NAV2: variants seen among roughly 807,000 people sequenced by gnomAD.
NAV2 encodes the protein helicase, APC down-regulated 1.
Under a neutral mutation model 223.2 loss-of-function variants are expected in NAV2, and 54 were observed. The observed-to-expected ratio is 0.24, with a 90% CI of 0.19 to 0.30. The LOEUF (loss-of-function observed/expected upper bound fraction) is 0.30. Among genes scored for constraint, NAV2 ranks in the 10% least tolerant of loss-of-function variants. The pLI is 1.00. For missense variants in NAV2, 2,806 were observed against 3,147.5 expected, an observed-to-expected ratio of 0.89 and a Z score of 2.60; for synonymous variants, 1,279 against 1,239.3, an observed-to-expected ratio of 1.03 and a Z score of -0.67.
At chr11:19,527,600 A>G (rs1261452926) in intron 1 of NAV2, among the ~76,000 whole-genome samples, 1 of 151,750 alleles carries the variant, frequency 6.6e-6, no homozygotes, top group African/African-American at 2.4e-5. Context: ...TAGCCTGGAC[A>G]TGGTAGCACC....
chr11:19,587,497 T>G (rs1430671531), intron 1 of NAV2, among the ~76,000 whole-genome samples: 1 of 152,212 alleles, frequency 6.6e-6, no homozygotes, highest in Non-Finnish European at 1.5e-5. Flanking sequence ...CTGGAGCTGT[T>G]CCTATTCAGC....
chr11:19,969,206 A>C (rs2049019575), intron 10 of NAV2, among the ~76,000 whole-genome samples: 1 of 152,210 alleles, frequency 6.6e-6, no homozygotes, highest in Non-Finnish European at 1.5e-5. Flanking sequence ...AATCAAATAC[A>C]ATGGGAAATT....
chr11:19,923,161 C>A (rs1487574096), intron 6 of NAV2, among the ~76,000 whole-genome samples: 2 of 152,096 alleles, frequency 1.3e-5, no homozygotes, highest in Non-Finnish European at 2.9e-5. Flanking sequence ...TCGTAAGTGG[C>A]CAGTGGACAT....
At chr11:19,919,192 A>G (rs2044062608) in intron 6 of NAV2, among the ~76,000 whole-genome samples, 1 of 151,976 alleles carries the variant, frequency 6.6e-6, no homozygotes, top group South Asian at 2.1e-4. Flanking sequence ...CAAGATGACA[A>G]AGATTCTCTG....
At position 20,027,318 on chromosome 11, in the gene NAV2, G is replaced by A. The variant is rs770362712; in HGVS notation, c.2769-8641G>A. 8.2e-5 allele frequency: 81 copies of A among 985,282 alleles called. No individual in the cohort carries two copies. In the South Asian group the frequency reaches 9.4e-4, roughly 11 times the overall value. 61.0% of individuals were successfully genotyped at this position (985,282 alleles called of 1,614,324 possible). A position where few individuals can be genotyped will look rare whatever the true frequency, so the allele number is the denominator to read the frequency against. On this transcript the variant is annotated intron_variant, in intron 11 of 37. Coordinates refer to ENST00000349880, the MANE Select transcript of NAV2 (RefSeq NM_145117.5). Reference sequence around the variant, plus strand: ...TTCCGCTCGGGCCCCGGGGTTTCACGGGAACAATTGCCTTGAACAATAGCC... The same window carrying A: ...TTCCGCTCGGGCCCCGGGGTTTCACAGGAACAATTGCCTTGAACAATAGCC...
At position 19,949,811 on chromosome 11, in the gene NAV2, A is replaced by C. The variant is rs1301370139; in HGVS notation, c.2645+731A>C. On this transcript the variant is annotated intron_variant, in intron 10 of 37. Coordinates refer to ENST00000349880, the MANE Select transcript of NAV2 (RefSeq NM_145117.5). ...ACTTGTCTTGCGCGTTCACTGCAGA[A>C]TCCCCAGTGTGTTGTGTATAATAGG... 2.0e-5 allele frequency among the ~76,000 whole-genome samples: 3 copies of C among 152,356 alleles called. No individual in the cohort carries two copies. In the South Asian group the frequency reaches 6.2e-4, roughly 32 times the overall value.
intron 1 of NAV2, among the ~76,000 whole-genome samples, chr11:19,733,369 G>GA (rs1452335614): frequency 1.6e-4 from 24 of 152,224 alleles, no homozygotes; most frequent in African/African-American, 4.6e-4. Context: ...GCTGGTAAAT[G>GA]ATAGCTCCAG....
At chr11:19,503,761 T>G (rs112724954) in intron 1 of NAV2, 1 of 152,188 alleles carries the variant, frequency 6.6e-6, no homozygotes, top group African/African-American at 2.4e-5. Flanking sequence ...TAAATATCCA[T>G]GTACAGGTTT....
chr11:19,538,909 C>A (rs1025716526), intron 1 of NAV2, among the ~76,000 whole-genome samples: 8 of 132,636 alleles, frequency 6.0e-5, no homozygotes, highest in East Asian at 2.0e-4. Context: ...ATATATATAT[C>A]TTTCCACTAT....
chr11:19,521,018 A>G (rs1364118953), intron 1 of NAV2, among the ~76,000 whole-genome samples: 1 of 152,212 alleles, frequency 6.6e-6, no homozygotes, highest in Non-Finnish European at 1.5e-5. Context: ...AAGAAGGCCC[A>G]TGCGCCTGCC....
chr11:19,774,486 C>T (rs1342706911), intron 1 of NAV2, among the ~76,000 whole-genome samples: 1 of 152,222 alleles, frequency 6.6e-6, no homozygotes, highest in Non-Finnish European at 1.5e-5. Flanking sequence ...CAGCTTTTTT[C>T]TTTATGACCC....
chr11:19,919,424 G>T (rs185613156), intron 6 of NAV2, among the ~76,000 whole-genome samples: 8 of 152,238 alleles, frequency 5.3e-5, no homozygotes, highest in Admixed American at 1.3e-4. Flanking sequence ...CAGACAGTGA[G>T]AACTGTGTGT....
chr11:19,883,273 G>A (rs1242499490), intron 5 of NAV2, among the ~76,000 whole-genome samples: 3 of 152,184 alleles, frequency 2.0e-5, no homozygotes, highest in Admixed American at 1.3e-4. Flanking sequence ...GAAAATCTGA[G>A]ATTTTTTTTT....
Position 19,818,111 on chromosome 11 carries a change from G to A in NAV2, c.268-14373G>A, listed in dbSNP as rs191067534. The stretch of plus-strand genomic sequence containing the variant: ...GCACAGTCTACTGCCCCCTAAATTT[G>A]CATACTCTTACCCATCATTCTACAA... On this transcript the variant is annotated intron_variant, in intron 1 of 37. Coordinates refer to ENST00000349880, the MANE Select transcript of NAV2 (RefSeq NM_145117.5). Among the ~76,000 whole-genome samples, 493 of 151,704 alleles carry A rather than the reference G, an allele frequency of 3.2e-3. 2 individuals carry two copies. The highest frequency in any genetic ancestry group is 0.011 in the African/African-American group (474 of 41,342).
intron 1 of NAV2, among the ~76,000 whole-genome samples, chr11:19,770,023 CA>C (rs1270501695): frequency 6.6e-6 from 1 of 151,930 alleles, no homozygotes; most frequent in Non-Finnish European, 1.5e-5. Context: ...CCCTCACCCC[CA>C]CCAAACCACA....
intron 1 of NAV2, among the ~76,000 whole-genome samples, chr11:19,386,507 T>C (rs1849047925): frequency 1.3e-5 from 2 of 152,178 alleles, no homozygotes; most frequent in Non-Finnish European, 2.9e-5. Flanking sequence ...AGTGGAGGCA[T>C]AAGATGCACT....
intron 1 of NAV2, among the ~76,000 whole-genome samples, chr11:19,392,761 C>G (rs756574787): frequency 6.6e-6 from 1 of 152,190 alleles, no homozygotes. Flanking sequence ...TTAAAACTGC[C>G]ACATAGTTCC....
intron 19 of NAV2, among the ~76,000 whole-genome samples, chr11:20,059,157 G>A (rs899956053): frequency 5.9e-5 from 9 of 151,924 alleles, no homozygotes; most frequent in African/African-American, 2.2e-4. Flanking sequence ...TCCTTTGCTG[G>A]TGGAGAGGCA....
intron 1 of NAV2, among the ~76,000 whole-genome samples, chr11:19,719,428 C>A (rs1318531315): frequency 1.3e-5 from 2 of 152,070 alleles, no homozygotes; most frequent in Non-Finnish European, 2.9e-5. Context: ...AGGCTTTGGG[C>A]AAATTATAGA....
Sources: gnomAD v4.1 joint callset for allele counts (sites outside exome capture counted in the v4.1 genomes callset) on GRCh38, gnomAD v4.1.1 for gene constraint, MANE v1.5 for transcripts, NCBI Gene and HGNC (gene_info 2026-07-23, HGNC 2026-07-21) for gene names.